Variants in DNAH2 observed in about 807,000 individuals in gnomAD.
The protein encoded by DNAH2 is dynein axonemal heavy chain 2.
In DNAH2, 323 loss-of-function variants were observed where a neutral mutation model predicts 523.5. That is an observed-to-expected ratio of 0.62 (90% CI 0.56 to 0.68). The LOEUF is 0.68. DNAH2 is among the 30% of genes least tolerant of loss of function. DNAH2 has a pLI of 0.00. For missense variants in DNAH2, 4,907 were observed against 5,701.5 expected (o/e 0.86, Z 4.49); for synonymous variants, 2,093 against 2,177.4 (o/e 0.96, Z 1.08).
intron 18 of DNAH2, among the ~76,000 whole-genome samples, 158 bp from the exon 19 acceptor site, chr17:7,763,673 G>A (rs1331502035): frequency 1.3e-5 from 2 of 152,340 alleles, no homozygotes; most frequent in East Asian, 3.9e-4. Flanking sequence ...CTGCATGGCT[G>A]GGGCAGATTG....
Position 7,759,083 on chromosome 17 carries a change from A to G in DNAH2, c.2407A>G (p.Met803Val), listed in dbSNP as rs1476766696. The change falls in exon 15 of 86, where the codon ATG becomes GTG. Residue 803 changes from methionine (M) to valine (V), a missense_variant. Met to Val is a conservative substitution (Grantham distance 21). Around this residue, in one of 3 missense-constraint regions of DNAH2, gnomAD observed 2,806 missense variants for 3,190.8 expected, o/e 0.88. Transcript: ENST00000572933. Reference sequence around the variant, plus strand: ...CCTGCACCAGGATGTGGTGACCATCATGACCAACTCCTATGAGGTCTTCAA... The same window carrying G: ...CCTGCACCAGGATGTGGTGACCATCGTGACCAACTCCTATGAGGTCTTCAA... ...MNLHQDVVTI[M>V]TNSYEVFKND... 3.1e-6 allele frequency: 5 copies of G among 1,614,198 alleles called. No individual in the cohort carries two copies. The Admixed American group carries it at 6.7e-5, about 22-fold the overall frequency.
intron 73 of DNAH2, 51 bp from the exon 74 acceptor site, chr17:7,823,390 CT>C: frequency 6.6e-7 from 1 of 1,509,092 alleles, no homozygotes. Flanking sequence ...GATCACTCTT[CT>C]TTTGAAGTAT....
At chr17:7,739,703 C>G in intron 8 of DNAH2, 30 bp from the exon 9 acceptor site, 3 of 1,602,842 alleles carry the variant, frequency 1.9e-6, no homozygotes, top group Non-Finnish European at 2.6e-6. Flanking sequence ...GGAAGGAAAG[C>G]AGGAACCCTC....
chr17:7,790,131 C>T (rs974126751), intron 44 of DNAH2, among the ~76,000 whole-genome samples: 28 of 152,322 alleles, frequency 1.8e-4, no homozygotes, highest in Admixed American at 1.1e-3. Flanking sequence ...GTGCTCCATG[C>T]GCCCAGTCAG....
At chr17:7,783,500 C>CAAAACA (rs567528669) in intron 39 of DNAH2, among the ~76,000 whole-genome samples, 9 of 151,734 alleles carry the variant, frequency 5.9e-5, no homozygotes, top group Non-Finnish European at 1.0e-4. Context: ...AACATGGGGG[C>CAAAACA]AAAACAAAAA....
Position 7,832,841 on chromosome 17 carries a change from C to A in DNAH2, c.12904-13C>A. ...CTTCAGGGTCCTCTCTTATTCTCAC[C>A]TTCAACCCCCAGGTTTCAGTGGACA... On this transcript the variant is annotated splice_polypyrimidine_tract_variant and intron_variant, in intron 83 of 85. Transcript: ENST00000572933. This position sits in a 1 kb window ranked among gnomAD's most constrained non-coding sequence, Gnocchi z 4.3. The A allele has an allele frequency of 6.2e-7, 1 of 1,614,198 alleles. No individual in the cohort carries two copies. The highest frequency in any genetic ancestry group is 1.1e-5 in the South Asian group (1 of 91,076).
chr17:7,722,295 G>A (rs1158794529), intron 2 of DNAH2, among the ~76,000 whole-genome samples: 2 of 152,070 alleles, frequency 1.3e-5, no homozygotes, highest in Non-Finnish European at 2.9e-5. Flanking sequence ...ATGAGCCATC[G>A]TGCCCGGCCC....
At chr17:7,788,647 G>A (rs1567700125) in intron 44 of DNAH2, among the ~76,000 whole-genome samples, 1 of 152,126 alleles carries the variant, frequency 6.6e-6, no homozygotes, top group South Asian at 2.1e-4. Context: ...CTGATGAGAG[G>A]ACTTTTTAAA....
chr17:7,798,837 C>T lies in DNAH2; in HGVS notation c.8559+119C>T. 7.9e-7 allele frequency: 1 copy of T among 1,264,210 alleles called. No individual in the cohort carries two copies. Among genetic ancestry groups the T allele is most frequent in the Non-Finnish European group, 1.1e-6 (1 of 910,344 alleles). 78.3% of individuals were successfully genotyped at this position (1,264,210 alleles called of 1,614,324 possible). A position where few individuals can be genotyped will look rare whatever the true frequency, so the allele number is the denominator to read the frequency against. On this transcript the variant is annotated intron_variant, in intron 55 of 85. Coordinates refer to ENST00000572933, the MANE Select transcript of DNAH2 (RefSeq NM_020877.5). The surrounding 1 kb of genome is among the most constrained non-coding windows in gnomAD (Gnocchi z 5.5). ...ACCCCCACTGCCACACCCCCACTGC[C>T]CACCTCAGCCCTGTAAGGTGGAAGG...
intron 8 of DNAH2, among the ~76,000 whole-genome samples, chr17:7,737,721 T>C (rs2075182011): frequency 6.6e-6 from 1 of 152,124 alleles, no homozygotes; most frequent in South Asian, 2.1e-4. Context: ...AGCTGAGACC[T>C]TGCTGGGCAG....
Position 7,743,665 on chromosome 17 carries a change from A to G in DNAH2, c.1904+523A>G. On this transcript the variant is annotated intron_variant, in intron 12 of 85. Transcript: ENST00000572933. ...TGGGCGACAGAGTGACCCTGCCTCA[A>G]AAACAAAAATCAAAAACCACTCCAC... 1.3e-5 allele frequency: 4 copies of G among 316,094 alleles called. No homozygotes were observed. In the South Asian group the frequency reaches 1.4e-4, roughly 11 times the overall value. 19.6% of individuals were successfully genotyped at this position (316,094 alleles called of 1,614,324 possible).
chr17:7,777,839 T>C (rs2076498330), intron 33 of DNAH2, among the ~76,000 whole-genome samples: 1 of 152,202 alleles, frequency 6.6e-6, no homozygotes, highest in South Asian at 2.1e-4. Context: ...TGAATGTCAC[T>C]TGAACAGGAC....
Position 7,743,147 on chromosome 17 carries a change from A to T in DNAH2, c.1904+5A>T, listed in dbSNP as rs1362066281. On this transcript the variant is annotated splice_donor_5th_base_variant and intron_variant, in intron 12 of 85. Coordinates refer to ENST00000572933, the MANE Select transcript of DNAH2 (RefSeq NM_020877.5). ...GCTGGATGTCAACTTTGACAAGTAC[A>T]GGAGCCACCTGGCCCCTTTTCCCTA... is the stretch of plus-strand genomic sequence containing the variant. The T allele has an allele frequency of 6.2e-7, 1 of 1,605,392 alleles. No individual in the cohort carries two copies. The highest frequency in any genetic ancestry group is 2.2e-5 in the East Asian group (1 of 44,860).
intron 3 of DNAH2, among the ~76,000 whole-genome samples, chr17:7,725,425 A>AATATATATATATATATATATATAT (rs71387992): frequency 0.019 from 2,371 of 124,336 alleles, 76 homozygotes; most frequent in Non-Finnish European, 0.029. Flanking sequence ...ACTTCAAGTG[A>AATATATATATATATATATATATAT]ATATATATAT....
rs768308752 is a variant in DNAH2 at position 7,792,078 on chromosome 17, C to T, written c.7053+9C>T. Reference sequence around the variant, plus strand: ...GCTCCTTTCCCAATAAGGTTGGGCGCACACCTGGCTGTCCTATTTGCCCTG... The same window carrying T: ...GCTCCTTTCCCAATAAGGTTGGGCGTACACCTGGCTGTCCTATTTGCCCTG... On this transcript the variant is annotated intron_variant, in intron 45 of 85. Coordinates refer to ENST00000572933, the MANE Select transcript of DNAH2 (RefSeq NM_020877.5). 6 of 1,612,732 alleles carry T rather than the reference C, an allele frequency of 3.7e-6. No homozygotes were observed. The South Asian group carries it at 6.6e-5, about 18-fold the overall frequency.
chr17:7,825,757 C>T (rs1313881338), intron 77 of DNAH2, among the ~76,000 whole-genome samples: 1 of 152,214 alleles, frequency 6.6e-6, no homozygotes, highest in African/African-American at 2.4e-5. Flanking sequence ...CTGGCATCAG[C>T]CCCAAAGTCA....
intron 20 of DNAH2, among the ~76,000 whole-genome samples, chr17:7,764,753 C>T (rs1446009508): frequency 2.7e-5 from 4 of 149,334 alleles, no homozygotes; most frequent in Non-Finnish European, 5.9e-5. Context: ...TGAGCCACCG[C>T]ACCCAGCTGG....
chr17:7,759,572 G>A lies in DNAH2; in HGVS notation c.2599G>A (p.Val867Ile), dbSNP rs2075947335. ...TSPNPLFQVL[V>I]ILKNDLQGSV... is the part of the protein sequence containing the mutation. ...CCCAAACCCACTCTTCCAAGTCCTT[G>A]TCATTTTGAAGAATGATCTGCAAGG... Residue 867 changes from valine (V) to isoleucine (I), a missense_variant, in exon 16 of 86, where the codon GTC (valine) becomes ATC (isoleucine). Physicochemically the swap from Val to Ile is conservative, Grantham distance 29 (BLOSUM62 3). Transcript: ENST00000572933. The A allele has an allele frequency of 6.2e-7, 1 of 1,614,074 alleles. No homozygotes were observed. Among genetic ancestry groups the A allele is most frequent in the Non-Finnish European group, 8.5e-7 (1 of 1,180,044 alleles).
intron 58 of DNAH2, among the ~76,000 whole-genome samples, chr17:7,802,935 A>T (rs1339641385): frequency 6.6e-6 from 1 of 151,822 alleles, no homozygotes; most frequent in Non-Finnish European, 1.5e-5. Flanking sequence ...GGCCTCCCAA[A>T]GTGCTGGGAT....
Sources: allele counts gnomAD v4.1 joint callset (sites outside exome capture counted in the v4.1 genomes callset), GRCh38; gene constraint gnomAD v4.1.1; regional missense constraint gnomAD v4.1.1; non-coding constraint Gnocchi (gnomAD v3.1); transcripts MANE v1.5; gene names NCBI Gene and HGNC (gene_info 2026-07-23, HGNC 2026-07-21).